Variants in DLG1 observed in about 807,000 individuals in gnomAD.
DLG1 encodes discs large MAGUK scaffold protein 1.
Under a neutral mutation model 123.4 loss-of-function variants are expected in DLG1, and 42 were observed. That is an observed-to-expected ratio of 0.34 (90% CI 0.27 to 0.44). The LOEUF is 0.44. Ranked by LOEUF, DLG1 falls within the 20% of genes least tolerant of loss-of-function variation. The probability of loss-of-function intolerance (pLI) is 1.00; values close to 1 mark genes in which losing one functional copy is unlikely to be tolerated. For synonymous variants in DLG1, 317 were observed against 356.2 expected, an observed-to-expected ratio of 0.89 and a Z score of 1.24; for missense variants, 942 against 1,082.6, an observed-to-expected ratio of 0.87 and a Z score of 1.82.
intron 4 of DLG1, among the ~76,000 whole-genome samples, chr3:197,198,218 G>A (rs548942446): frequency 3.9e-5 from 6 of 152,276 alleles, no homozygotes; most frequent in South Asian, 4.1e-4. Flanking sequence ...GGCCAGGTGC[G>A]GTGGCTCACG....
intron 1 of DLG1, chr3:197,297,955 G>A: frequency 3.1e-6 from 3 of 980,474 alleles, no homozygotes; most frequent in Non-Finnish European, 3.6e-6. Flanking sequence ...GAGCTCCCCT[G>A]GGCCGCCGCA....
intron 14 of DLG1, 108 bp downstream of exon 14, chr3:197,104,795 C>A: frequency 8.0e-6 from 6 of 752,146 alleles, no homozygotes; most frequent in South Asian, 3.5e-5. Context: ...AGAAAAAAAG[C>A]ACAAAAAAGG....
intron 10 of DLG1, among the ~76,000 whole-genome samples, chr3:197,133,888 A>T (rs997770539): frequency 2.0e-5 from 3 of 152,224 alleles, no homozygotes; most frequent in African/African-American, 7.2e-5. Context: ...AATTAAGATG[A>T]GGACTGAGAA....
intron 4 of DLG1, chr3:197,260,575 T>A (rs1758886117): frequency 6.4e-6 from 1 of 156,524 alleles, no homozygotes; most frequent in South Asian, 1.8e-4. Flanking sequence ...ATGTCAGGGT[T>A]TATTCCACAA....
chr3:197,266,984 A>G (rs1289598866), intron 4 of DLG1, among the ~76,000 whole-genome samples: 1 of 152,150 alleles, frequency 6.6e-6, no homozygotes, highest in African/African-American at 2.4e-5. Context: ...CAGGCACAAG[A>G]AAGGTAAAGA....
intron 4 of DLG1, among the ~76,000 whole-genome samples, chr3:197,274,512 C>T (rs1298491718): frequency 1.3e-5 from 2 of 151,210 alleles, no homozygotes; most frequent in African/African-American, 2.4e-5. Flanking sequence ...CGACACGACA[C>T]GACACGATAC....
intron 5 of DLG1, among the ~76,000 whole-genome samples, chr3:197,182,827 TTAA>T (rs1425180360): frequency 2.0e-5 from 3 of 152,148 alleles, no homozygotes; most frequent in Admixed American, 6.5e-5. Flanking sequence ...CAAACAATTA[TTAA>T]TTTTTCTTTA....
At position 197,247,237 on chromosome 3, in the gene DLG1, G is replaced by A. The variant is rs116628513; in HGVS notation, c.318+35442C>T. The stretch of plus-strand genomic sequence containing the variant: ...TCTTTGTTGCACTGTTTTATCTCAC[G>A]CTGGAGCCTTCCTGGGGGGAGACAT... On this transcript the variant is annotated intron_variant, in intron 4 of 24. Transcript: ENST00000667157. 7.2e-3 allele frequency among the ~76,000 whole-genome samples: 1,093 copies of A among 152,254 alleles called. 6 individuals carry two copies. Among genetic ancestry groups the A allele is most frequent in the African/African-American group, 0.025 (1,028 of 41,534 alleles).
intron 23 of DLG1, among the ~76,000 whole-genome samples, chr3:197,054,704 G>C (rs950252472): frequency 6.6e-6 from 1 of 151,976 alleles, no homozygotes; most frequent in South Asian, 2.1e-4. Context: ...GAGTGCAGTG[G>C]TGTGATCTCG....
chr3:197,140,711 A>C (rs1447502046), intron 7 of DLG1, among the ~76,000 whole-genome samples: 1 of 152,194 alleles, frequency 6.6e-6, no homozygotes, highest in Non-Finnish European at 1.5e-5. Context: ...CCTTTAAAAA[A>C]GGGGGTGGCG....
intron 23 of DLG1, among the ~76,000 whole-genome samples, chr3:197,055,194 C>T (rs1181835653): frequency 6.6e-6 from 1 of 152,150 alleles, no homozygotes; most frequent in Non-Finnish European, 1.5e-5. Context: ...TCAAGTGATC[C>T]TCTCGTCTCA....
At chr3:197,176,932 T>C (rs1435791137) in intron 5 of DLG1, among the ~76,000 whole-genome samples, 1 of 151,976 alleles carries the variant, frequency 6.6e-6, no homozygotes, top group Non-Finnish European at 1.5e-5. Context: ...TTCTAGAGTG[T>C]CCTATTGAAC....
At chr3:197,217,931 T>C (rs1213788870) in intron 4 of DLG1, among the ~76,000 whole-genome samples, 4 of 152,218 alleles carry the variant, frequency 2.6e-5, no homozygotes, top group Admixed American at 2.6e-4. Context: ...ATATGTGTAG[T>C]TTATTATATG....
intron 21 of DLG1, 100 bp from the exon 22 acceptor site, chr3:197,065,548 G>A: frequency 8.8e-7 from 1 of 1,141,326 alleles, no homozygotes; most frequent in Non-Finnish European, 1.2e-6. Flanking sequence ...CAACAGAACA[G>A]ATTAATTTAA....
intron 14 of DLG1, among the ~76,000 whole-genome samples, chr3:197,095,147 A>T (rs1007241330): frequency 6.6e-6 from 1 of 152,130 alleles, no homozygotes; most frequent in Admixed American, 6.5e-5. Flanking sequence ...GAGCAATCAC[A>T]AACTGTTTTT....
At chr3:197,197,036 A>G (rs1402312705) in intron 4 of DLG1, among the ~76,000 whole-genome samples, 2 of 152,176 alleles carry the variant, frequency 1.3e-5, no homozygotes, top group Admixed American at 6.5e-5. Flanking sequence ...TTTTAAAACT[A>G]TGTCTTTTAA....
intron 4 of DLG1, among the ~76,000 whole-genome samples, chr3:197,207,986 TG>T (rs1219814617): frequency 2.8e-5 from 4 of 145,046 alleles, no homozygotes; most frequent in Non-Finnish European, 6.2e-5. Context: ...GAAAAAAAAT[TG>T]TAACTTAAAT....
chr3:197,298,559 A>G lies in DLG1; in HGVS notation c.-55T>C, dbSNP rs978279421. The G allele has an allele frequency of 3.3e-5, 13 of 398,388 alleles. No individual in the cohort carries two copies. The highest frequency in any genetic ancestry group is 4.4e-5 in the Non-Finnish European group (10 of 226,090). The allele number at this position is 398,388 out of a possible 1,614,324, so 24.7% of individuals were successfully genotyped here. A position where few individuals can be genotyped will look rare whatever the true frequency, so the allele number is the denominator to read the frequency against. ...ACCGAGACACCCCTCAACCTCACTC[A>G]GCAGTGCCGTTTCCAACTCCGCGGC... is the stretch of plus-strand genomic sequence containing the variant. On this transcript the variant is annotated 5_prime_UTR_variant, in exon 1 of 25. Transcript: ENST00000667157.
At chr3:197,187,846 G>C (rs756004637) in intron 5 of DLG1, among the ~76,000 whole-genome samples, 5 of 152,060 alleles carry the variant, frequency 3.3e-5, no homozygotes, top group Admixed American at 6.6e-5. Context: ...TCGACATTAA[G>C]ATTTTTAAAA....
Sources: gnomAD v4.1 joint callset for allele counts (sites outside exome capture counted in the v4.1 genomes callset) on GRCh38, gnomAD v4.1.1 for gene constraint, MANE v1.5 for transcripts, NCBI Gene and HGNC (gene_info 2026-07-23, HGNC 2026-07-21) for gene names.